Variants in ARRB1 observed in about 807,000 individuals in gnomAD.
ARRB1 encodes the protein arrestin beta 1.
Under a neutral mutation model 56.8 loss-of-function variants are expected in ARRB1, and 21 were observed. That is an observed-to-expected ratio of 0.37 (90% CI 0.26 to 0.53). The LOEUF (loss-of-function observed/expected upper bound fraction) is 0.53, where lower values mean the gene tolerates loss of function less well. Among genes scored for constraint, ARRB1 ranks in the 20% least tolerant of loss-of-function variants. The pLI is 0.88. For synonymous variants in ARRB1, 210 were observed against 218.6 expected (o/e 0.96, Z 0.35); for missense variants, 424 against 553.7 (o/e 0.77, Z 2.35).
intron 1 of ARRB1, among the ~76,000 whole-genome samples, chr11:75,297,190 G>C (rs1946770328): frequency 6.6e-6 from 1 of 151,778 alleles, no homozygotes; most frequent in South Asian, 2.1e-4. Context: ...ATCGTAGCTA[G>C]CTTTTTTGCA....
chr11:75,265,814 T>A lies in ARRB1; in HGVS notation c.*349A>T. The A allele has an allele frequency of 3.2e-6, 1 of 316,950 alleles. No homozygotes were observed. The highest frequency in any genetic ancestry group is 6.1e-6 in the Non-Finnish European group (1 of 164,506). 19.6% of individuals were successfully genotyped at this position (316,950 alleles called of 1,614,324 possible). A position where few individuals can be genotyped will look rare whatever the true frequency, so the allele number is the denominator to read the frequency against. Reference sequence around the variant, plus strand: ...TCATCCCCACCCCTCCAAGCCCTCATGCCCACCACACCGTGTCCCACATTC... The same window carrying A: ...TCATCCCCACCCCTCCAAGCCCTCAAGCCCACCACACCGTGTCCCACATTC... On this transcript the variant is annotated 3_prime_UTR_variant, in exon 16 of 16. Transcript: ENST00000420843.
intron 14 of ARRB1, among the ~76,000 whole-genome samples, chr11:75,268,510 CAAAAAAA>C (rs61409833): frequency 2.8e-4 from 17 of 61,448 alleles, no homozygotes; most frequent in Admixed American, 9.2e-4. Flanking sequence ...GTCTCAAAAC[CAAAAAAA>C]AAAAAAAAAA....
At position 75,261,114 on chromosome 11, in the gene ARRB1, C is replaced by T. The variant is rs1282605336; in HGVS notation, c.*5049G>A. Reference sequence around the variant, plus strand: ...GACCCATCCCCACTGAGCACCAGGTCCCTGTCCAAATCAAACCTTGGCCAG... The same window carrying T: ...GACCCATCCCCACTGAGCACCAGGTTCCTGTCCAAATCAAACCTTGGCCAG... On this transcript the variant is annotated 3_prime_UTR_variant, in exon 16 of 16. Transcript: ENST00000420843. 6.6e-6 allele frequency: 1 copy of T among 152,340 alleles called. No homozygotes were observed. Among genetic ancestry groups the T allele is most frequent in the East Asian group, 1.9e-4 (1 of 5,200 alleles). The allele number at this position is 152,340 out of a possible 1,614,324, so 9.4% of individuals were successfully genotyped here.
intron 1 of ARRB1, among the ~76,000 whole-genome samples, chr11:75,320,651 C>G (rs926541891): frequency 6.6e-6 from 1 of 152,208 alleles, no homozygotes; most frequent in Non-Finnish European, 1.5e-5. Flanking sequence ...TTCGAGACCC[C>G]ACTCAAGTAC....
chr11:75,263,740 GAAAAA>G lies in ARRB1; in HGVS notation c.*2418_*2422del. Among the ~76,000 whole-genome samples the G allele has an allele frequency of 8.5e-6, 1 of 118,008 alleles. No individual in the cohort carries two copies. The highest frequency in any genetic ancestry group is 3.1e-5 in the African/African-American group (1 of 32,598). The allele number at this position is 118,008 out of a possible 152,430, so 77.4% of individuals were successfully genotyped here. Reference sequence around the variant, plus strand: ...GCCTTGTGCAGTCCTGGCTCCAGGAGAAAAAAAAAAAAAAAAGATAGTGCTCTGAT... The same window carrying G: ...GCCTTGTGCAGTCCTGGCTCCAGGAGAAAAAAAAAAAGATAGTGCTCTGAT... On this transcript the variant is annotated 3_prime_UTR_variant, in exon 16 of 16. Coordinates refer to ENST00000420843, the MANE Select transcript of ARRB1 (RefSeq NM_004041.5).
intron 3 of ARRB1, among the ~76,000 whole-genome samples, chr11:75,287,023 C>G (rs528669141): frequency 6.6e-6 from 1 of 152,284 alleles, no homozygotes; most frequent in Non-Finnish European, 1.5e-5. Flanking sequence ...CCACTGTCTG[C>G]TACATGACAC....
intron 1 of ARRB1, among the ~76,000 whole-genome samples, chr11:75,321,499 T>C (rs1947349743): frequency 6.6e-6 from 1 of 152,174 alleles, no homozygotes; most frequent in South Asian, 2.1e-4. Context: ...AGAGAGGCTT[T>C]ATGGGATGAC....
intron 1 of ARRB1, among the ~76,000 whole-genome samples, chr11:75,296,782 A>G (rs905835570): frequency 1.3e-5 from 2 of 151,954 alleles, no homozygotes; most frequent in Non-Finnish European, 2.9e-5. Context: ...GGCTCAAGCG[A>G]TTCTCCTGCC....
chr11:75,289,342 G>A (rs1946552229), intron 2 of ARRB1, among the ~76,000 whole-genome samples: 1 of 152,142 alleles, frequency 6.6e-6, no homozygotes, highest in African/African-American at 2.4e-5. Context: ...ATCCCTCCTA[G>A]AAGCTGCCGC....
intron 2 of ARRB1, among the ~76,000 whole-genome samples, chr11:75,287,813 C>T (rs1392918408): frequency 6.6e-6 from 1 of 152,240 alleles, no homozygotes; most frequent in Non-Finnish European, 1.5e-5. Flanking sequence ...CTCCTTCTCC[C>T]ATGCAGCCAG....
intron 7 of ARRB1, among the ~76,000 whole-genome samples, chr11:75,279,334 C>T (rs566217599): frequency 6.6e-6 from 1 of 152,190 alleles, no homozygotes; most frequent in South Asian, 2.1e-4. Flanking sequence ...CAGGGGGATG[C>T]AAGCCAGTGA....
chr11:75,296,731 A>G (rs1946759206), intron 1 of ARRB1, among the ~76,000 whole-genome samples: 1 of 151,950 alleles, frequency 6.6e-6, no homozygotes, highest in African/African-American at 2.4e-5. Flanking sequence ...AGGCTGGAGT[A>G]CAGCGGCACC....
At chr11:75,301,430 G>A (rs1252286320) in intron 1 of ARRB1, among the ~76,000 whole-genome samples, 1 of 152,214 alleles carries the variant, frequency 6.6e-6, no homozygotes, top group Non-Finnish European at 1.5e-5. Flanking sequence ...GGGCTGTGAA[G>A]GGCCTTGAGT....
chr11:75,340,380 G>GA (rs1947676222), intron 1 of ARRB1, among the ~76,000 whole-genome samples: 1 of 152,242 alleles, frequency 6.6e-6, no homozygotes, highest in South Asian at 2.1e-4. Context: ...AAGGCAGGGG[G>GA]ATGCTCCCCA....
chr11:75,331,854 TG>T (rs1947526712), intron 1 of ARRB1, among the ~76,000 whole-genome samples: 2 of 152,254 alleles, frequency 1.3e-5, no homozygotes, highest in East Asian at 3.9e-4. Flanking sequence ...AGTCTGACTC[TG>T]GCATAACATT....
chr11:75,293,110 C>A (rs1329230175), intron 1 of ARRB1, among the ~76,000 whole-genome samples: 1 of 152,074 alleles, frequency 6.6e-6, no homozygotes, highest in Non-Finnish European at 1.5e-5. Context: ...GTGTGGCCAG[C>A]AGTGGGGAAT....
chr11:75,351,611 C>G lies in ARRB1; in HGVS notation c.-4G>C. The G allele has an allele frequency of 1.4e-6, 2 of 1,445,958 alleles. No homozygotes were observed. Among genetic ancestry groups the G allele is most frequent in the Non-Finnish European group, 1.8e-6 (2 of 1,102,224 alleles). 89.6% of individuals were successfully genotyped at this position (1,445,958 alleles called of 1,614,324 possible). Reference sequence around the variant, plus strand: ...ACCGGGTCCCTTTGTCGCCCATGGTCCGCGACGGTCGCAGGGAGGTCCGCG... The same window carrying G: ...ACCGGGTCCCTTTGTCGCCCATGGTGCGCGACGGTCGCAGGGAGGTCCGCG... On this transcript the variant is annotated 5_prime_UTR_variant, in exon 1 of 16. Coordinates refer to ENST00000420843, the MANE Select transcript of ARRB1 (RefSeq NM_004041.5).
rs529865856 is a variant in ARRB1 at position 75,289,023 on chromosome 11, G to C, written c.51+986C>G. Among the ~76,000 whole-genome samples, 17 of 152,264 alleles carry C rather than the reference G, an allele frequency of 1.1e-4. No individual in the cohort carries two copies. In the East Asian group the frequency reaches 2.7e-3, roughly 24 times the overall value. ...TGATCTACCGGCGGGGAGAGGGGACGGGGAGCTGTCTCGGACTCTGGGCTG... is the reference window on the plus strand; with the variant it reads ...TGATCTACCGGCGGGGAGAGGGGACCGGGAGCTGTCTCGGACTCTGGGCTG... On this transcript the variant is annotated intron_variant, in intron 2 of 15. Coordinates refer to ENST00000420843, the MANE Select transcript of ARRB1 (RefSeq NM_004041.5).
intron 1 of ARRB1, among the ~76,000 whole-genome samples, chr11:75,310,705 A>C (rs1947137764): frequency 6.6e-6 from 1 of 152,190 alleles, no homozygotes. Flanking sequence ...GATTATCAGC[A>C]GGAGGCAGTG....
Sources: gnomAD v4.1 joint callset for allele counts (sites outside exome capture counted in the v4.1 genomes callset) on GRCh38, gnomAD v4.1.1 for gene constraint, MANE v1.5 for transcripts, NCBI Gene and HGNC (gene_info 2026-07-23, HGNC 2026-07-21) for gene names.